The following ARAP2 variants were observed in gnomAD, a reference collection of about 807,000 sequenced individuals.
ARAP2 encodes arf-GAP with Rho-GAP domain, ANK repeat and PH domain-containing protein 2.
A neutral mutation model predicts 194.5 loss-of-function variants in ARAP2; 148 were observed. That is an observed-to-expected ratio of 0.76 (90% CI 0.67 to 0.87). The LOEUF is 0.87. ARAP2 is among the 40% of genes least tolerant of loss of function. ARAP2 has a pLI of 0.00. For synonymous variants in ARAP2, 695 were observed against 683.5 expected, an observed-to-expected ratio of 1.02 and a Z score of -0.26; for missense variants, 2,128 against 1,989.7, an observed-to-expected ratio of 1.07 and a Z score of -1.32.
rs374363563 is a variant in ARAP2 at position 36,165,128 on chromosome 4, G to A, written c.1974-15C>T. The A allele has an allele frequency of 1.7e-5, 27 of 1,613,202 alleles. No homozygotes were observed. The African/African-American group carries it at 2.7e-4, about 16-fold the overall frequency. Reference sequence around the variant, plus strand: ...CGGCTGTAAAGCTGAAACAATTAACGTTTCTGTGTTATCGATCTCCCTTGT... The same window carrying A: ...CGGCTGTAAAGCTGAAACAATTAACATTTCTGTGTTATCGATCTCCCTTGT... On this transcript the variant is annotated splice_polypyrimidine_tract_variant and intron_variant, in intron 10 of 32. Transcript: ENST00000303965.
At chr4:36,127,133 GTCT>G (rs2109577308) in intron 21 of ARAP2, among the ~76,000 whole-genome samples, 1 of 152,152 alleles carries the variant, frequency 6.6e-6, no homozygotes, top group Admixed American at 6.5e-5. Flanking sequence ...ACTGTGCCCA[GTCT>G]TGCCATGTAC....
intron 16 of ARAP2, among the ~76,000 whole-genome samples, chr4:36,149,211 C>A (rs1007571297): frequency 6.6e-6 from 1 of 152,010 alleles, no homozygotes; most frequent in African/African-American, 2.4e-5. Context: ...CTGTTGTATC[C>A]CCTTCATGTC....
intron 30 of ARAP2, among the ~76,000 whole-genome samples, chr4:36,081,148 T>C (rs1406134609): frequency 6.6e-6 from 1 of 152,162 alleles, no homozygotes; most frequent in Admixed American, 6.6e-5. Context: ...CCTATTACCA[T>C]GTCCAGGCCA....
Position 36,244,222 on chromosome 4 carries a change from G to A in ARAP2, c.-203C>T, listed in dbSNP as rs1047528930. 8 of 151,942 alleles carry A rather than the reference G, an allele frequency of 5.3e-5. No homozygotes were observed. Among genetic ancestry groups the A allele is most frequent in the Admixed American group, 1.3e-4 (2 of 15,280 alleles). The allele number at this position is 151,942 out of a possible 1,614,324, so 9.4% of individuals were successfully genotyped here. A position where few individuals can be genotyped will look rare whatever the true frequency, so the allele number is the denominator to read the frequency against. Reference sequence around the variant, plus strand: ...AGTTCGAAAAGCGAGGTGAGGCGGCGCTGGGAAGCTCAGCGCCGGCGTCTC... The same window carrying A: ...AGTTCGAAAAGCGAGGTGAGGCGGCACTGGGAAGCTCAGCGCCGGCGTCTC... On this transcript the variant is annotated 5_prime_UTR_variant, in exon 1 of 33. Transcript: ENST00000303965.
intron 19 of ARAP2, among the ~76,000 whole-genome samples, chr4:36,143,866 T>C (rs759400086): frequency 4.0e-5 from 6 of 151,898 alleles, no homozygotes; most frequent in Non-Finnish European, 1.5e-5. Context: ...CCAAAAATGT[T>C]ATTAACTGTC....
chr4:36,210,966 A>C (rs1043301512), intron 5 of ARAP2, among the ~76,000 whole-genome samples: 1 of 152,142 alleles, frequency 6.6e-6, no homozygotes, highest in African/African-American at 2.4e-5. Context: ...GTTTTTTCTT[A>C]GGTATAATTT....
chr4:36,062,635 T>TGA (rs1724638684), downstream of ARAP2, among the ~76,000 whole-genome samples: 1 of 133,718 alleles, frequency 7.5e-6, no homozygotes, highest in Non-Finnish European at 1.7e-5. Flanking sequence ...TGTGTGAGAG[T>TGA]GTGTGTGTGT....
chr4:36,058,853 T>A (rs1399070891), intron 1 of ARAP2, among the ~76,000 whole-genome samples: 1 of 152,056 alleles, frequency 6.6e-6, no homozygotes, highest in African/African-American at 2.4e-5. Context: ...ATAAGCCCAA[T>A]GAAGTAAGAA....
At chr4:36,081,371 C>A (rs1232837741) in intron 30 of ARAP2, among the ~76,000 whole-genome samples, 2 of 152,120 alleles carry the variant, frequency 1.3e-5, no homozygotes, top group African/African-American at 4.8e-5. Context: ...AAAGTATGAA[C>A]AAAGGTTTAG....
chr4:36,065,887 C>T (rs116385933), downstream of ARAP2: 2 of 152,152 alleles, frequency 1.3e-5, no homozygotes, highest in African/African-American at 4.8e-5. Context: ...AACAATACAG[C>T]CAGTTTGAAG....
chr4:36,068,687 G>T (rs1327642212), intron 32 of ARAP2, among the ~76,000 whole-genome samples: 1 of 152,196 alleles, frequency 6.6e-6, no homozygotes, highest in Non-Finnish European at 1.5e-5. Context: ...AAACTGATAT[G>T]GCGTGCTGTG....
intron 5 of ARAP2, among the ~76,000 whole-genome samples, chr4:36,043,696 T>G (rs1327418470): frequency 6.6e-6 from 1 of 150,756 alleles, no homozygotes; most frequent in Non-Finnish European, 1.5e-5. Flanking sequence ...GAGGCTGTAG[T>G]GCCCTGTGAT....
Position 36,210,492 on chromosome 4 carries a change from G to C in ARAP2, c.1385C>G (p.Ser462Ter). ...TATTGCCTGTGAAGAAACGGCTGAT[G>C]AATCAGCATTTCCACTTGTTGAGCT... ...PLSSTSGNAD[S>*]SAVSSQAISP... Residue 462 changes from serine to a stop codon, truncating the protein, a stop_gained, in exon 6 of 33, where the codon TCA becomes TGA. Coordinates refer to ENST00000303965, the MANE Select transcript of ARAP2 (RefSeq NM_015230.4). LOFTEE classifies it high-confidence loss of function. 1.2e-6 allele frequency: 2 copies of C among 1,613,902 alleles called. No individual in the cohort carries two copies. The highest frequency in any genetic ancestry group is 1.7e-6 in the Non-Finnish European group (2 of 1,179,826).
chr4:36,028,098 G>A (rs564408847), intron 5 of ARAP2, among the ~76,000 whole-genome samples: 1 of 152,080 alleles, frequency 6.6e-6, no homozygotes, highest in African/African-American at 2.4e-5. Flanking sequence ...ATTATGTTTT[G>A]AATGTGGTAC....
chr4:36,048,418 A>G (rs1341220109), intron 3 of ARAP2, among the ~76,000 whole-genome samples: 3 of 152,046 alleles, frequency 2.0e-5, no homozygotes, highest in Non-Finnish European at 4.4e-5. Flanking sequence ...CTTTATGTCT[A>G]TGAGTACCAA....
intron 5 of ARAP2, among the ~76,000 whole-genome samples, chr4:36,030,096 G>A (rs1412385711): frequency 2.0e-5 from 3 of 151,912 alleles, no homozygotes; most frequent in African/African-American, 7.2e-5. Flanking sequence ...TTACTCAGAA[G>A]GGCTTTTGGA....
rs552836428 is a variant in ARAP2 at position 36,136,161 on chromosome 4, C to T, written c.3264-2772G>A. The stretch of plus-strand genomic sequence containing the variant: ...AATTTGTGGACACTGAATAAAGCAT[C>T]GAAAGATATTTTCAACACAAATGCT... On this transcript the variant is annotated intron_variant, in intron 19 of 32. Transcript: ENST00000303965. 9.2e-5 allele frequency among the ~76,000 whole-genome samples: 14 copies of T among 151,884 alleles called. No homozygotes were observed. In the South Asian group the frequency reaches 2.3e-3, roughly 25 times the overall value.
At chr4:36,194,060 T>C (rs1057300841) in intron 6 of ARAP2, among the ~76,000 whole-genome samples, 4 of 152,218 alleles carry the variant, frequency 2.6e-5, no homozygotes, top group Admixed American at 1.3e-4. Flanking sequence ...ATAAATATCT[T>C]ACTAAAATAA....
intron 2 of ARAP2, among the ~76,000 whole-genome samples, chr4:36,053,755 C>T (rs568151968): frequency 5.3e-5 from 8 of 152,230 alleles, no homozygotes; most frequent in African/African-American, 1.9e-4. Flanking sequence ...TGTGTTTACT[C>T]GGGGAGTGAA....
Sources: gnomAD v4.1 joint callset for allele counts (sites outside exome capture counted in the v4.1 genomes callset) on GRCh38, gnomAD v4.1.1 for gene constraint, MANE v1.5 for transcripts, NCBI Gene and HGNC (gene_info 2026-07-23, HGNC 2026-07-21) for gene names.